The following ZNF800 variants were observed in gnomAD, a reference collection of about 807,000 sequenced individuals.
ZNF800 encodes the protein zinc finger protein 800.
In ZNF800, 13 loss-of-function variants were observed where a neutral mutation model predicts 59.5. The ratio of observed to expected loss-of-function variants is 0.22; its 90% CI spans 0.14 to 0.35. ZNF800 has a LOEUF of 0.35. Ranked by LOEUF, ZNF800 falls within the 10% of genes least tolerant of loss-of-function variation. The pLI is 1.00. For synonymous variants in ZNF800, 266 were observed against 265.7 expected, an observed-to-expected ratio of 1.00 and a Z score of -0.01; for missense variants, 621 against 783.7, an observed-to-expected ratio of 0.79 and a Z score of 2.48.
chr7:127,371,201 T>A lies in ZNF800; in HGVS notation c.*613A>T, dbSNP rs1318083351. The A allele has an allele frequency of 6.6e-6, 1 of 152,602 alleles. No individual in the cohort carries two copies. Among genetic ancestry groups the A allele is most frequent in the African/African-American group, 2.4e-5 (1 of 41,450 alleles). 9.5% of individuals were successfully genotyped at this position (152,602 alleles called of 1,614,324 possible). The stretch of plus-strand genomic sequence containing the variant: ...ATGAAAATGAACTGCAGCTTTCCTG[T>A]AGTATATATTTTAGGATGAAACTTT... On this transcript the variant is annotated 3_prime_UTR_variant, in exon 6 of 6. Transcript: ENST00000265827.
chr7:127,358,472 G>T (rs1156985834), intron 1 of ZNF800, among the ~76,000 whole-genome samples: 1 of 151,850 alleles, frequency 6.6e-6, no homozygotes, highest in East Asian at 1.9e-4. Flanking sequence ...CAGTCCCCTT[G>T]GTGCTATTAT....
intron 4 of ZNF800, among the ~76,000 whole-genome samples, chr7:127,375,389 C>CA (rs1800763356): frequency 1.3e-5 from 2 of 152,010 alleles, no homozygotes; most frequent in Admixed American, 6.6e-5. Context: ...AAAGGCAACT[C>CA]AAATTCTCGT....
At chr7:127,358,367 C>T (rs184522962) in intron 1 of ZNF800, among the ~76,000 whole-genome samples, 17 of 151,850 alleles carry the variant, frequency 1.1e-4, no homozygotes, top group African/African-American at 3.4e-4. Context: ...TGCCAAAACC[C>T]GAATTTACGT....
At chr7:127,352,133 A>G (rs1800177868) in intron 1 of ZNF800, among the ~76,000 whole-genome samples, 2 of 152,354 alleles carry the variant, frequency 1.3e-5, no homozygotes, top group South Asian at 4.1e-4. Flanking sequence ...GAAAAGAATT[A>G]AAGGATGAAA....
At chr7:127,354,247 A>T (rs1235779843) in intron 1 of ZNF800, among the ~76,000 whole-genome samples, 1 of 152,134 alleles carries the variant, frequency 6.6e-6, no homozygotes, top group Non-Finnish European at 1.5e-5. Flanking sequence ...AACTTTCAAC[A>T]TTATTTATCA....
chr7:127,345,633 A>G (rs1800047871), downstream of ZNF800, among the ~76,000 whole-genome samples: 1 of 152,096 alleles, frequency 6.6e-6, no homozygotes, highest in Non-Finnish European at 1.5e-5. Context: ...TAAAGAGAGG[A>G]GCATAGACGG....
chr7:127,371,949 T>C (rs1394911055), intron 5 of ZNF800, 135 bp from the exon 6 acceptor site: 4 of 588,012 alleles, frequency 6.8e-6, no homozygotes, highest in Non-Finnish European at 1.2e-5. Context: ...AAACGTGTGA[T>C]AATCAAACCA....
intron 1 of ZNF800, among the ~76,000 whole-genome samples, chr7:127,348,667 T>A (rs1800116680): frequency 6.6e-6 from 1 of 152,254 alleles, no homozygotes; most frequent in Admixed American, 6.5e-5. Flanking sequence ...ACATATGTAA[T>A]AATGGACAGA....
chr7:127,391,756 G>A (rs1277319392), intron 1 of ZNF800, 141 bp from the exon 2 acceptor site: 4 of 624,886 alleles, frequency 6.4e-6, no homozygotes, highest in Non-Finnish European at 1.2e-5. Flanking sequence ...AAAACAGAAA[G>A]ACGCACAAAC....
At chr7:127,343,955 C>T (rs1800011905), downstream of ZNF800, among the ~76,000 whole-genome samples, 1 of 151,890 alleles carries the variant, frequency 6.6e-6, no homozygotes, top group Non-Finnish European at 1.5e-5. Flanking sequence ...ATATTTGAAC[C>T]ATCAAACCAC....
At chr7:127,362,831 C>G (rs922811532) in intron 1 of ZNF800, 8 of 152,184 alleles carry the variant, frequency 5.3e-5, no homozygotes, top group African/African-American at 1.7e-4. Context: ...CATACAGTAA[C>G]AACAGATCTG....
At chr7:127,362,752 A>C (rs1166101468) in intron 1 of ZNF800, 1 of 152,196 alleles carries the variant, frequency 6.6e-6, no homozygotes. Context: ...CAAAGAAGAC[A>C]GACATACTTT....
intron 1 of ZNF800, chr7:127,359,732 A>G (rs1010174451): frequency 1.3e-5 from 2 of 152,194 alleles, no homozygotes; most frequent in Non-Finnish European, 2.9e-5. Context: ...AATTACTTTT[A>G]GATTCATGTT....
chr7:127,391,665 C>G, intron 1 of ZNF800, 50 bp from the exon 2 acceptor site: 2 of 943,888 alleles, frequency 2.1e-6, no homozygotes. Flanking sequence ...TCCTGGGGGG[C>G]ACTGGCTGCA....
intron 5 of ZNF800, among the ~76,000 whole-genome samples, chr7:127,372,379 C>T (rs2117095301): frequency 6.6e-6 from 1 of 150,838 alleles, no homozygotes; most frequent in East Asian, 2.0e-4. Flanking sequence ...ACTTGGGAGG[C>T]TGAGGCAGGA....
intron 1 of ZNF800, among the ~76,000 whole-genome samples, chr7:127,353,956 G>C (rs1800220561): frequency 6.6e-6 from 1 of 152,050 alleles, no homozygotes; most frequent in South Asian, 2.1e-4. Flanking sequence ...AGAAACAAAT[G>C]AAAGACTATT....
intron 1 of ZNF800, among the ~76,000 whole-genome samples, chr7:127,356,779 GTGTT>G (rs767236049): frequency 2.6e-5 from 4 of 151,848 alleles, no homozygotes; most frequent in Admixed American, 6.6e-5. Flanking sequence ...GTGTGTGTGT[GTGTT>G]TTTTTTACTC....
intron 2 of ZNF800, among the ~76,000 whole-genome samples, chr7:127,391,122 T>A (rs1029495401): frequency 2.6e-5 from 4 of 152,226 alleles, no homozygotes; most frequent in Non-Finnish European, 5.9e-5. Flanking sequence ...CTTTTAATTT[T>A]TAAAGTTTCA....
intron 1 of ZNF800, among the ~76,000 whole-genome samples, chr7:127,355,768 T>C (rs1382013524): frequency 1.3e-5 from 2 of 152,114 alleles, no homozygotes; most frequent in East Asian, 1.9e-4. Flanking sequence ...ATTTTCTTTA[T>C]AGATTACTAC....
Sources: gnomAD v4.1 joint callset for allele counts (sites outside exome capture counted in the v4.1 genomes callset) on GRCh38, gnomAD v4.1.1 for gene constraint, MANE v1.5 for transcripts, NCBI Gene and HGNC (gene_info 2026-07-23, HGNC 2026-07-21) for gene names.